ITGB5: variants seen among roughly 807,000 people sequenced by gnomAD.
The protein encoded by ITGB5 is integrin beta-5.
A neutral mutation model predicts 84.8 loss-of-function variants in ITGB5; 38 were observed. The ratio of observed to expected loss-of-function variants is 0.45; its 90% CI spans 0.35 to 0.59. The LOEUF is 0.59. Ranked by LOEUF, ITGB5 falls within the 20% of genes least tolerant of loss-of-function variation. ITGB5 has a pLI of 0.01. For missense variants in ITGB5, 905 were observed against 1,034.5 expected (o/e 0.87, Z 1.72); for synonymous variants, 393 against 414.4 (o/e 0.95, Z 0.63).
At position 124,819,769 on chromosome 3, in the gene ITGB5, T is replaced by C. The variant is rs1348069863; in HGVS notation, c.1008A>G (p.Ala336=). Residue 336 remains alanine, a synonymous_variant, in exon 7 of 15, where the codon GCA becomes GCG. Transcript: ENST00000296181. ...LAENNINLIF[A]VTKNHYMLYK... The stretch of plus-strand genomic sequence containing the variant: ...ACAGCATATAATGGTTTTTTGTCAC[T>C]GCAAAGATGAGGTTGATGTTGTTCT... 1 of 1,613,902 alleles carries C rather than the reference T, an allele frequency of 6.2e-7. No homozygotes were observed. Among genetic ancestry groups the C allele is most frequent in the East Asian group, 2.2e-5 (1 of 44,866 alleles).
chr3:124,818,766 A>G (rs1041641827), intron 7 of ITGB5, among the ~76,000 whole-genome samples: 1 of 152,202 alleles, frequency 6.6e-6, no homozygotes, highest in Non-Finnish European at 1.5e-5. Flanking sequence ...ATTTGAACTA[A>G]AGGAGGATAA....
chr3:124,827,467 A>G (rs1438046676), intron 5 of ITGB5, among the ~76,000 whole-genome samples: 1 of 152,234 alleles, frequency 6.6e-6, no homozygotes, highest in African/African-American at 2.4e-5. Flanking sequence ...GTTACAGGGA[A>G]TATAAATTAT....
intron 10 of ITGB5, chr3:124,792,587 T>G (rs1002304332): frequency 3.3e-5 from 5 of 152,198 alleles, no homozygotes; most frequent in African/African-American, 4.8e-5. Context: ...ATTTTTCAAG[T>G]TTTCTTTAAT....
chr3:124,781,237 C>T (rs2064000851), intron 10 of ITGB5: 1 of 152,194 alleles, frequency 6.6e-6, no homozygotes, highest in Admixed American at 6.5e-5. Flanking sequence ...ACATAAGCTT[C>T]CAAGGACTGC....
intron 9 of ITGB5, among the ~76,000 whole-genome samples, chr3:124,800,625 A>T (rs958116943): frequency 6.6e-6 from 1 of 152,148 alleles, no homozygotes; most frequent in African/African-American, 2.4e-5. Flanking sequence ...ATAACCAGAG[A>T]ATGTTCTGTC....
intron 1 of ITGB5, among the ~76,000 whole-genome samples, chr3:124,893,866 G>A (rs1171860379): frequency 6.6e-6 from 1 of 152,078 alleles, no homozygotes; most frequent in African/African-American, 2.4e-5. Context: ...TTTCTCTTTG[G>A]TGTTGTTGCT....
intron 3 of ITGB5, among the ~76,000 whole-genome samples, chr3:124,851,024 C>A (rs923794789): frequency 3.3e-5 from 5 of 152,264 alleles, no homozygotes; most frequent in African/African-American, 1.2e-4. Context: ...CCACCTGTCC[C>A]CCCAAGTTCC....
upstream of ITGB5, chr3:124,887,771 C>T (rs1480505217): frequency 1.7e-5 from 7 of 415,766 alleles, no homozygotes; most frequent in Non-Finnish European, 3.0e-5. Flanking sequence ...CGTGCCGGTA[C>T]CGCCTCATCC....
upstream of ITGB5, among the ~76,000 whole-genome samples, chr3:124,890,186 T>G (rs1056127423): frequency 6.7e-6 from 1 of 149,640 alleles, no homozygotes; most frequent in Non-Finnish European, 1.5e-5. Context: ...CAATAAAAAT[T>G]AGTACTTATC....
intron 2 of ITGB5, among the ~76,000 whole-genome samples, chr3:124,869,404 C>T (rs373757626): frequency 1.6e-3 from 251 of 152,132 alleles, no homozygotes; most frequent in African/African-American, 6.0e-3. Flanking sequence ...GGTGAAACCC[C>T]GTCTCTACTA....
At chr3:124,770,536 C>T (rs1033669068) in intron 11 of ITGB5, among the ~76,000 whole-genome samples, 9 of 152,236 alleles carry the variant, frequency 5.9e-5, no homozygotes, top group Non-Finnish European at 1.2e-4. Context: ...GCTACTAAAA[C>T]ATTTCCAGTG....
At chr3:124,847,200 T>C (rs962262815) in intron 4 of ITGB5, among the ~76,000 whole-genome samples, 2 of 152,206 alleles carry the variant, frequency 1.3e-5, no homozygotes, top group Non-Finnish European at 2.9e-5. Flanking sequence ...ATGACTAGTT[T>C]TGGACCTTAC....
chr3:124,846,543 G>A (rs527675434), intron 4 of ITGB5, among the ~76,000 whole-genome samples: 20 of 152,270 alleles, frequency 1.3e-4, no homozygotes, highest in South Asian at 4.2e-4. Context: ...CCTAGGACAT[G>A]GGGGTAGGGT....
chr3:124,847,509 T>G (rs1319696690), intron 4 of ITGB5, among the ~76,000 whole-genome samples: 2 of 152,252 alleles, frequency 1.3e-5, no homozygotes, highest in African/African-American at 2.4e-5. Flanking sequence ...GGCTCAGTCC[T>G]GTTCCGTCTA....
Position 124,796,357 on chromosome 3 carries a change from CAG to C in ITGB5, c.1693+29_1693+30del, listed in dbSNP as rs770657476. On this transcript the variant is annotated intron_variant, in intron 10 of 14. Transcript: ENST00000296181. ...GTCCTAACGGCATCTTGGCCTGGCT[CAG>C]AGCTAAAGTGCTTGCTGGGGACACT... The C allele has an allele frequency of 6.2e-5, 98 of 1,568,452 alleles. No individual in the cohort carries two copies. In the Middle Eastern group the frequency reaches 2.7e-3, roughly 44 times the overall value.
chr3:124,774,702 C>G (rs1356221606), intron 10 of ITGB5, among the ~76,000 whole-genome samples: 1 of 152,200 alleles, frequency 6.6e-6, no homozygotes, highest in Non-Finnish European at 1.5e-5. Flanking sequence ...CACGGTTGTT[C>G]TCCCTGAGTC....
intron 10 of ITGB5, among the ~76,000 whole-genome samples, chr3:124,778,701 G>A (rs2063959642): frequency 6.6e-6 from 1 of 152,174 alleles, no homozygotes; most frequent in Non-Finnish European, 1.5e-5. Flanking sequence ...GGATACATTT[G>A]AGCATTCTTC....
intron 1 of ITGB5, among the ~76,000 whole-genome samples, chr3:124,900,183 C>G (rs1421296688): frequency 6.6e-6 from 1 of 152,096 alleles, no homozygotes; most frequent in Non-Finnish European, 1.5e-5. Flanking sequence ...CATTAAATGA[C>G]AGAGAGGTAG....
At chr3:124,896,276 T>G (rs1224470022) in intron 1 of ITGB5, among the ~76,000 whole-genome samples, 2 of 152,166 alleles carry the variant, frequency 1.3e-5, no homozygotes, top group African/African-American at 4.8e-5. Flanking sequence ...CTCAGGGGCA[T>G]TTGATAGTTT....
Sources: gnomAD v4.1 joint callset for allele counts (sites outside exome capture counted in the v4.1 genomes callset) on GRCh38, gnomAD v4.1.1 for gene constraint, MANE v1.5 for transcripts, NCBI Gene and HGNC (gene_info 2026-07-23, HGNC 2026-07-21) for gene names.